LNX1: variants seen among roughly 807,000 people sequenced by gnomAD.
LNX1 encodes the protein E3 ubiquitin-protein ligase LNX.
LNX1 carries 54 observed loss-of-function variants against 68.4 expected under a neutral mutation model. That is an observed-to-expected ratio of 0.79 (90% CI 0.63 to 0.99). The LOEUF (loss-of-function observed/expected upper bound fraction) is 0.99. Among genes scored for constraint, LNX1 ranks in the 50% least tolerant of loss-of-function variants. LNX1 has a pLI of 0.00. For synonymous variants in LNX1, 336 were observed against 350.0 expected (o/e 0.96, Z 0.45); for missense variants, 906 against 926.4 (o/e 0.98, Z 0.29).
intron 2 of LNX1, among the ~76,000 whole-genome samples, chr4:53,601,338 A>G (rs1276394444): frequency 1.5e-4 from 23 of 152,214 alleles, no homozygotes; most frequent in South Asian, 6.2e-4. Context: ...GTCCCCCTGA[A>G]GTGGCATGGT....
chr4:53,461,536 G>A lies in LNX1; in HGVS notation c.1950C>T (p.Gly650=), dbSNP rs1722103038. ...CTTCATAACCTCCTACAATGCAGAA[G>A]CCCAGACTTCCAGCTGTGTTTCTTC... ...VLRRNTAGSL[G]FCIVGGYEEY... Residue 650 remains glycine, a synonymous_variant, in exon 10 of 11, where the codon GGC becomes GGT. Transcript: ENST00000263925. 2 of 1,611,792 alleles carry A rather than the reference G, an allele frequency of 1.2e-6. No individual in the cohort carries two copies. The highest frequency in any genetic ancestry group is 1.7e-4 in the Middle Eastern group (1 of 6,058).
rs141305092 is a variant in LNX1 at position 53,484,140 on chromosome 4, A to G, written c.1351-2286T>C. On this transcript the variant is annotated intron_variant, in intron 6 of 10. Coordinates refer to ENST00000263925, the MANE Select transcript of LNX1 (RefSeq NM_001126328.3). Reference sequence around the variant, plus strand: ...TAGTGTCTTGATCTTTGACTTCTTGACCTCCAGAACTGTGAGAAATAAATT... The same window carrying G: ...TAGTGTCTTGATCTTTGACTTCTTGGCCTCCAGAACTGTGAGAAATAAATT... 2.8e-3 allele frequency among the ~76,000 whole-genome samples: 432 copies of G among 152,188 alleles called. 3 individuals are homozygous for G. Among genetic ancestry groups the G allele is most frequent in the African/African-American group, 0.01 (418 of 41,514 alleles).
At chr4:53,649,808 T>C (rs1363473410) in intron 1 of LNX1, among the ~76,000 whole-genome samples, 2 of 152,180 alleles carry the variant, frequency 1.3e-5, no homozygotes, top group East Asian at 3.8e-4. Flanking sequence ...TTGAAATTTA[T>C]TGCTTGTCTG....
intron 2 of LNX1, chr4:53,604,078 TCAC>T (rs1453691588): frequency 1.3e-5 from 2 of 152,188 alleles, no homozygotes; most frequent in Non-Finnish European, 2.9e-5. Context: ...CAACCTAAGG[TCAC>T]CATATCTATT....
At chr4:53,490,850 C>A (rs1449222509) in intron 6 of LNX1, among the ~76,000 whole-genome samples, 4 of 152,148 alleles carry the variant, frequency 2.6e-5, no homozygotes, top group African/African-American at 9.7e-5. Context: ...AAACGGCATG[C>A]GATTGCTTAG....
At position 53,471,562 on chromosome 4, in the gene LNX1, G is replaced by A. The variant is rs373615974; in HGVS notation, c.1892+5191C>T. Reference sequence around the variant, plus strand: ...CATCAGAGTGAACAGGCAACCTACAGAATGGGAGAACATTTTTGCAATCCA... The same window carrying A: ...CATCAGAGTGAACAGGCAACCTACAAAATGGGAGAACATTTTTGCAATCCA... On this transcript the variant is annotated intron_variant, in intron 9 of 10. Transcript: ENST00000263925. Among the ~76,000 whole-genome samples the A allele has an allele frequency of 8.0e-4, 121 of 152,194 alleles. 3 individuals carry two copies. In the South Asian group the frequency reaches 0.022, roughly 28 times the overall value.
At chr4:53,636,542 A>G (rs571979964) in intron 1 of LNX1, among the ~76,000 whole-genome samples, 5 of 152,294 alleles carry the variant, frequency 3.3e-5, no homozygotes, top group Non-Finnish European at 5.9e-5. Context: ...TCCTTGAACC[A>G]TAAAATGGAG....
At chr4:53,563,149 T>C (rs1730402054) in intron 2 of LNX1, among the ~76,000 whole-genome samples, 1 of 152,148 alleles carries the variant, frequency 6.6e-6, no homozygotes, top group African/African-American at 2.4e-5. Context: ...GAGCTTGCAG[T>C]GAGCTGAGAT....
chr4:53,593,671 C>CT (rs201491701), upstream of LNX1, among the ~76,000 whole-genome samples: 1,074 of 150,580 alleles, frequency 7.1e-3, 9 homozygotes, highest in African/African-American at 0.022. Context: ...ATAATATGGG[C>CT]TTTTTTTTTG....
In LNX1 at chr4:53,472,693, AAAAAAAC is replaced by A. The variant is rs1353087334; in HGVS notation, c.1892+4053_1892+4059del. ...AACAACAACAACAACAACAAAAAAA[AAAAAAAC>A]AAAAAACAATGGGGAAGTAAAGGAC... On this transcript the variant is annotated intron_variant, in intron 9 of 10. Coordinates refer to ENST00000263925, the MANE Select transcript of LNX1 (RefSeq NM_001126328.3). Among the ~76,000 whole-genome samples, 409 of 139,756 alleles carry A rather than the reference AAAAAAAC, an allele frequency of 2.9e-3. 4 individuals are homozygous for A. Among genetic ancestry groups the A allele is most frequent in the African/African-American group, 0.01 (395 of 38,922 alleles). The allele number at this position is 139,756 out of a possible 152,430, so 91.7% of individuals were successfully genotyped here.
At position 53,496,033 on chromosome 4, in the gene LNX1, T is replaced by G; in HGVS notation, c.1340A>C (p.His447Pro). ...TGACCTCTGACTCACCTGAATCAGATGAGCCGCACTTTCTGGGCTGCCATA... is the reference window on the plus strand; with the variant it reads ...TGACCTCTGACTCACCTGAATCAGAGGAGCCGCACTTTCTGGGCTGCCATA... ...LRYGSPESAA[H>P]LIQASERRVH... Residue 447 changes from histidine to proline, a missense_variant, in exon 6 of 11, where the codon CAT becomes CCT. Coordinates refer to ENST00000263925, the MANE Select transcript of LNX1 (RefSeq NM_001126328.3). 6.2e-7 allele frequency: 1 copy of G among 1,612,556 alleles called. No homozygotes were observed. The highest frequency in any genetic ancestry group is 8.5e-7 in the Non-Finnish European group (1 of 1,178,864).
intron 2 of LNX1, among the ~76,000 whole-genome samples, chr4:53,515,731 C>A (rs1258266098): frequency 6.6e-6 from 1 of 152,096 alleles, no homozygotes; most frequent in African/African-American, 2.4e-5. Context: ...TTTCAATAAA[C>A]ACTCATGGGA....
Position 53,476,837 on chromosome 4 carries a change from C to G in LNX1, c.1808G>C (p.Ser603Thr). 1 of 1,614,202 alleles carries G rather than the reference C, an allele frequency of 6.2e-7. No individual in the cohort carries two copies. The highest frequency in any genetic ancestry group is 8.5e-7 in the Non-Finnish European group (1 of 1,180,036). Residue 603 changes from serine to threonine, a missense_variant, in exon 9 of 11, where the codon AGC becomes ACC. Coordinates refer to ENST00000263925, the MANE Select transcript of LNX1 (RefSeq NM_001126328.3). ...GTGGTTGGAGTCCAGGGCTGCTGGG[C>G]TGCTGCAGTCTTCCTGGGGCTCATA... ...KEYEPQEDCS[S>T]PAALDSNHNM...
chr4:53,548,135 G>A (rs182362342), intron 2 of LNX1, among the ~76,000 whole-genome samples: 1 of 134,606 alleles, frequency 7.4e-6, no homozygotes, highest in Admixed American at 7.2e-5. Flanking sequence ...AAAAAAAAAA[G>A]TCGGGGGAAA....
rs528704504 is a variant in LNX1, at chr4:53,542,251, A to G, written c.380+31372T>C. On this transcript the variant is annotated intron_variant, in intron 2 of 10. Coordinates refer to ENST00000263925, the MANE Select transcript of LNX1 (RefSeq NM_001126328.3). ...CAGAAAACCAGGGATAAATAAACAA[A>G]GGACAGTTTGCATTTAAATGATCAC... Among the ~76,000 whole-genome samples, 139 of 152,312 alleles carry G rather than the reference A, an allele frequency of 9.1e-4. 1 individual carries two copies. The highest frequency in any genetic ancestry group is 1.8e-3 in the Admixed American group (28 of 15,302).
upstream of LNX1, among the ~76,000 whole-genome samples, chr4:53,619,882 T>C (rs1448846711): frequency 6.6e-6 from 1 of 152,238 alleles, no homozygotes; most frequent in Non-Finnish European, 1.5e-5. Context: ...CTTGTTATTA[T>C]GTCTCTTTTT....
chr4:53,524,010 A>G (rs1226361927), intron 2 of LNX1, among the ~76,000 whole-genome samples: 1 of 152,222 alleles, frequency 6.6e-6, no homozygotes, highest in Non-Finnish European at 1.5e-5. Flanking sequence ...TAAATTGACC[A>G]TCAATTTGAT....
chr4:53,597,167 A>G (rs1300388234), intron 2 of LNX1, among the ~76,000 whole-genome samples: 1 of 152,154 alleles, frequency 6.6e-6, no homozygotes, highest in African/African-American at 2.4e-5. Flanking sequence ...CTACCTATGT[A>G]TGCTTTGCAA....
At chr4:53,616,079 C>T (rs989975905) in intron 2 of LNX1, among the ~76,000 whole-genome samples, 1 of 152,158 alleles carries the variant, frequency 6.6e-6, no homozygotes, top group African/African-American at 2.4e-5. Context: ...TGTAACCATC[C>T]TTCTGCTCTC....
Sources: gnomAD v4.1 joint callset for allele counts (sites outside exome capture counted in the v4.1 genomes callset) on GRCh38, gnomAD v4.1.1 for gene constraint, MANE v1.5 for transcripts, NCBI Gene and HGNC (gene_info 2026-07-23, HGNC 2026-07-21) for gene names.